The following TDRD12 variants were observed in gnomAD, a reference collection of about 807,000 sequenced individuals.
TDRD12 encodes tudor domain containing 12.
Under a neutral mutation model 133.5 loss-of-function variants are expected in TDRD12, and 158 were observed. The ratio of observed to expected loss-of-function variants is 1.18; its 90% CI spans 1.04 to 1.35. TDRD12 has a LOEUF of 1.35. Ranked by LOEUF, TDRD12 falls within the 40% of genes most tolerant of loss-of-function variation. The pLI is 0.00. For synonymous variants in TDRD12, 460 were observed against 477.9 expected (o/e 0.96, Z 0.49); for missense variants, 1,443 against 1,321.3 (o/e 1.09, Z -1.43).
exon 1 of TDRD12, chr19:32,720,016 G>A: frequency 6.5e-7 from 1 of 1,541,650 alleles, no homozygotes. Flanking sequence ...AGCCTCACCC[G>A]CGACGGTAGG....
At chr19:32,821,045 A>G in exon 28 of TDRD12, 1 of 1,535,900 alleles carries the variant, frequency 6.5e-7, no homozygotes. Context: ...CGCCTCCAGC[A>G]GAAGATGCTG....
chr19:32,738,841 C>T lies in TDRD12; in HGVS notation c.184-15C>T. ...AAAATAAATAAATAAAAATAACTCT[C>T]TGTTTATTTTGCAGGTGTGTGTGGT... On this transcript the variant is annotated splice_polypyrimidine_tract_variant and intron_variant, in intron 2 of 27. Transcript: ENST00000444215. 1 of 1,545,252 alleles carries T rather than the reference C, an allele frequency of 6.5e-7. No individual in the cohort carries two copies.
In TDRD12 at chr19:32,813,763, G is replaced by A. The variant is rs1379503006; in HGVS notation, c.3128G>A (p.Trp1043Ter). The stretch of plus-strand genomic sequence containing the variant: ...ATCCTGGCTTTGGGAAATACAGTTT[G>A]GATTGATCCAATGGTAAGTACGCAT... The change falls in exon 25 of 28, where the codon TGG becomes TAG. Residue 1043 changes from tryptophan (W) to a stop codon, truncating the protein, a stop_gained. Transcript: ENST00000444215. LOFTEE classifies it high-confidence loss of function. 1.3e-6 allele frequency: 2 copies of A among 1,530,786 alleles called. No individual in the cohort carries two copies. The highest frequency in any genetic ancestry group is 2.7e-5 in the African/African-American group (2 of 72,782). The allele number at this position is 1,530,786 out of a possible 1,614,324, so 94.8% of individuals were successfully genotyped here. A position where few individuals can be genotyped will look rare whatever the true frequency, so the allele number is the denominator to read the frequency against.
At chr19:32,812,529 G>A (rs17272155) in intron 24 of TDRD12, among the ~76,000 whole-genome samples, 4,368 of 152,300 alleles carry the variant, frequency 0.029, 90 homozygotes, top group Non-Finnish European at 0.042. Flanking sequence ...TCTAAGTTTA[G>A]TAAAAGGAGC....
intron 1 of TDRD12, 78 bp downstream of exon 1, chr19:32,720,174 CCCCACCCCAGCTCCGCACAGCTTCCTACA>C: frequency 1.4e-6 from 2 of 1,476,414 alleles, no homozygotes; most frequent in Non-Finnish European, 1.8e-6. Flanking sequence ...AGCCTCCCAC[CCCCACCCCAGCTCCGCACAGCTTCCTACA>C]CCCACCGCAG....
chr19:32,754,489 T>C (rs1420209981), intron 6 of TDRD12, among the ~76,000 whole-genome samples: 1 of 151,964 alleles, frequency 6.6e-6, no homozygotes, highest in Non-Finnish European at 1.5e-5. Flanking sequence ...CGCCAAAATA[T>C]TGGCTGCAGA....
At chr19:32,799,690 G>T (rs1971328794) in intron 16 of TDRD12, among the ~76,000 whole-genome samples, 2 of 141,010 alleles carry the variant, frequency 1.4e-5, no homozygotes, top group South Asian at 2.3e-4. Flanking sequence ...GATATTTATT[G>T]ACTTTAAACT....
intron 24 of TDRD12, among the ~76,000 whole-genome samples, chr19:32,812,270 C>T (rs943010214): frequency 2.6e-5 from 4 of 152,224 alleles, no homozygotes; most frequent in African/African-American, 7.2e-5. Context: ...TGGGAAGGCC[C>T]AGCCCTTGCG....
At chr19:32,793,294 A>G (rs1036092942) in intron 13 of TDRD12, among the ~76,000 whole-genome samples, 1 of 152,224 alleles carries the variant, frequency 6.6e-6, no homozygotes, top group Non-Finnish European at 1.5e-5. Flanking sequence ...ACATTTGCAG[A>G]CATACAGAGT....
intron 4 of TDRD12, among the ~76,000 whole-genome samples, chr19:32,747,182 C>T (rs972063407): frequency 7.9e-5 from 12 of 152,098 alleles, no homozygotes; most frequent in African/African-American, 2.9e-4. Flanking sequence ...GGCTGATTTA[C>T]TTGTTCATAT....
At chr19:32,802,634 T>C (rs1281577454) in intron 19 of TDRD12, 22 bp from the exon 20 acceptor site, 12 of 1,534,166 alleles carry the variant, frequency 7.8e-6, no homozygotes, top group Non-Finnish European at 9.6e-6. Flanking sequence ...GCGTGTGACA[T>C]TGTCGGACTC....
At chr19:32,799,827 C>T (rs758524584) in intron 16 of TDRD12, among the ~76,000 whole-genome samples, 2 of 150,766 alleles carry the variant, frequency 1.3e-5, no homozygotes, top group East Asian at 2.0e-4. Context: ...CTCCACCTCC[C>T]GGGTTCAGGC....
intron 26 of TDRD12, among the ~76,000 whole-genome samples, chr19:32,817,190 A>C (rs1967209242): frequency 6.6e-6 from 1 of 152,202 alleles, no homozygotes; most frequent in African/African-American, 2.4e-5. Context: ...GGCATTTAGG[A>C]CATTCTCAGT....
chr19:32,815,407 G>T, intron 25 of TDRD12, 41 bp from the exon 26 acceptor site: 1 of 1,482,556 alleles, frequency 6.7e-7, no homozygotes, highest in South Asian at 1.2e-5. Context: ...TTAAAATTCA[G>T]AGTGATTACT....
intron 11 of TDRD12, among the ~76,000 whole-genome samples, chr19:32,785,331 G>A (rs1379422862): frequency 1.3e-5 from 2 of 152,176 alleles, no homozygotes; most frequent in African/African-American, 4.8e-5. Flanking sequence ...GAGACAGTTT[G>A]TTGTGATTTC....
intron 3 of TDRD12, among the ~76,000 whole-genome samples, chr19:32,742,422 A>C (rs1156697231): frequency 3.3e-5 from 5 of 152,096 alleles, no homozygotes; most frequent in Non-Finnish European, 7.4e-5. Flanking sequence ...CGGCCTTCCA[A>C]AGTGCTGGGA....
At chr19:32,730,656 G>C (rs987224999) in intron 1 of TDRD12, among the ~76,000 whole-genome samples, 1 of 152,040 alleles carries the variant, frequency 6.6e-6, no homozygotes, top group Non-Finnish European at 1.5e-5. Flanking sequence ...GGGCAAAGAT[G>C]TCATTTTTGC....
At chr19:32,731,796 T>C in exon 2 of TDRD12, 1 of 1,551,382 alleles carries the variant, frequency 6.4e-7, no homozygotes, top group Non-Finnish European at 8.7e-7. Context: ...ATGTCGATTA[T>C]CAAAAATTAA....
At chr19:32,823,473 A>G (rs959503625), downstream of TDRD12, among the ~76,000 whole-genome samples, 33 of 152,282 alleles carry the variant, frequency 2.2e-4, no homozygotes, top group African/African-American at 6.3e-4. Context: ...GTCCAAACCC[A>G]GGTTCTTCAT....
Sources: gnomAD v4.1 joint callset for allele counts (sites outside exome capture counted in the v4.1 genomes callset) on GRCh38, gnomAD v4.1.1 for gene constraint, MANE v1.5 for transcripts, NCBI Gene and HGNC (gene_info 2026-07-23, HGNC 2026-07-21) for gene names.